The following FGL1 variants were observed in gnomAD, a reference collection of about 807,000 sequenced individuals.
The protein encoded by FGL1 is fibrinogen like 1.
A neutral mutation model predicts 43.7 loss-of-function variants in FGL1; 59 were observed. That is an observed-to-expected ratio of 1.35 (90% CI 1.10 to 1.68). FGL1 has a LOEUF of 1.68. Ranked by LOEUF, FGL1 falls within the 40% of genes most tolerant of loss-of-function variation. The pLI is 0.00. For missense variants in FGL1, 596 were observed against 373.0 expected (o/e 1.60, Z -4.92); for synonymous variants, 192 against 126.5 (o/e 1.52, Z -3.48).
At chr8:17,881,044 G>A (rs1284322357) in intron 3 of FGL1, among the ~76,000 whole-genome samples, 1 of 151,866 alleles carries the variant, frequency 6.6e-6, no homozygotes, top group Admixed American at 6.6e-5. Flanking sequence ...TAGGATTTCA[G>A]AAGGGAAAAC....
intron 1 of FGL1, chr8:17,891,228 T>G (rs1383740876): frequency 6.6e-6 from 1 of 152,154 alleles, no homozygotes; most frequent in Non-Finnish European, 1.5e-5. Flanking sequence ...CTGAGTGGCC[T>G]AAAACAACAG....
chr8:17,882,236 CT>C, intron 2 of FGL1, 57 bp from the exon 3 acceptor site: 1 of 1,455,836 alleles, frequency 6.9e-7, no homozygotes. Context: ...AAAACAAGTG[CT>C]TTTTAAACAT....
chr8:17,872,872 T>C (rs2053385568), intron 5 of FGL1, among the ~76,000 whole-genome samples: 1 of 152,196 alleles, frequency 6.6e-6, no homozygotes, highest in Non-Finnish European at 1.5e-5. Flanking sequence ...ATGTCTGCTA[T>C]TTACTTTGAA....
chr8:17,873,673 C>T lies in FGL1; in HGVS notation c.502+346G>A, dbSNP rs570805198. On this transcript the variant is annotated intron_variant, in intron 5 of 7. Coordinates refer to ENST00000427924, the MANE Select transcript of FGL1 (RefSeq NM_004467.4). ...TTCAGAAGTAGAATATATATATATTCTATATATATCTATAGATACATATAG... is the reference window on the plus strand; with the variant it reads ...TTCAGAAGTAGAATATATATATATTTTATATATATCTATAGATACATATAG... Among the ~76,000 whole-genome samples the T allele has an allele frequency of 6.4e-4, 87 of 136,842 alleles. 1 individual carries two copies. Among genetic ancestry groups the T allele is most frequent in the African/African-American group, 2.3e-3 (86 of 36,940 alleles). 89.8% of individuals were successfully genotyped at this position (136,842 alleles called of 152,430 possible).
chr8:17,873,242 C>T (rs1323228831), intron 5 of FGL1, among the ~76,000 whole-genome samples: 1 of 152,112 alleles, frequency 6.6e-6, no homozygotes, highest in Non-Finnish European at 1.5e-5. Context: ...GACTCCATGC[C>T]AATTCTGGGC....
rs528383559 is a variant in FGL1, at chr8:17,872,566, G to A, written c.502+1453C>T. On this transcript the variant is annotated intron_variant, in intron 5 of 7. Coordinates refer to ENST00000427924, the MANE Select transcript of FGL1 (RefSeq NM_004467.4). ...GGTCCACCCACCTCAGCATCCCAAA[G>A]TGCTGGGATTACAGGCATGAGCCAC... Among the ~76,000 whole-genome samples the A allele has an allele frequency of 2.0e-5, 3 of 152,238 alleles. No individual in the cohort carries two copies. The South Asian group carries it at 6.2e-4, about 32-fold the overall frequency.
At chr8:17,868,824 C>G in intron 6 of FGL1, 89 bp from the exon 7 acceptor site, 1 of 1,473,060 alleles carries the variant, frequency 6.8e-7, no homozygotes. Flanking sequence ...AGAACAGGTT[C>G]TATTGTATAT....
rs35562839 is a variant in FGL1, at chr8:17,869,553, A to G, written c.503-549T>C. On this transcript the variant is annotated intron_variant, in intron 5 of 7. Coordinates refer to ENST00000427924, the MANE Select transcript of FGL1 (RefSeq NM_004467.4). ...ACCCTTTAAGAATAATTTGAGGAAG[A>G]AATATGAATCCTAATTGTTATCCGA... Among the ~76,000 whole-genome samples, 460 of 152,336 alleles carry G rather than the reference A, an allele frequency of 3.0e-3. 3 individuals carry two copies. Among genetic ancestry groups the G allele is most frequent in the African/African-American group, 0.011 (446 of 41,578 alleles).
intron 1 of FGL1, among the ~76,000 whole-genome samples, chr8:17,890,742 G>T (rs546005492): frequency 6.6e-6 from 1 of 152,142 alleles, no homozygotes; most frequent in African/African-American, 2.4e-5. Context: ...ACTTACAGTC[G>T]TGGTGGAAGG....
chr8:17,874,767 A>C, intron 3 of FGL1: 1 of 308,342 alleles, frequency 3.2e-6, no homozygotes, highest in Non-Finnish European at 5.9e-6. Flanking sequence ...GTGAAATAAG[A>C]ATCTAGTTTT....
At chr8:17,891,727 A>C in intron 1 of FGL1, 1 of 984,808 alleles carries the variant, frequency 1.0e-6, no homozygotes, top group Non-Finnish European at 1.2e-6. Flanking sequence ...TTGTAATTTC[A>C]CAGTTGCTTA....
intron 1 of FGL1, among the ~76,000 whole-genome samples, chr8:17,891,078 T>C (rs1484808278): frequency 6.6e-6 from 1 of 152,214 alleles, no homozygotes; most frequent in Non-Finnish European, 1.5e-5. Context: ...GTGTTTATTG[T>C]CTACCTACTC....
chr8:17,879,195 T>C (rs1486253985), intron 3 of FGL1, among the ~76,000 whole-genome samples: 1 of 151,958 alleles, frequency 6.6e-6, no homozygotes, highest in Non-Finnish European at 1.5e-5. Flanking sequence ...ATATTTATAA[T>C]AATTATAATG....
In FGL1 at chr8:17,868,703, A is replaced by T; in HGVS notation, c.624T>A (p.Ser208=). 1 of 1,613,540 alleles carries T rather than the reference A, an allele frequency of 6.2e-7. No individual in the cohort carries two copies. Among genetic ancestry groups the T allele is most frequent in the Non-Finnish European group, 8.5e-7 (1 of 1,179,840 alleles). The part of the protein sequence containing the change: ...NFYELNIGEY[S]GTAGDSLAGN... Reference sequence around the variant, plus strand: ...CCGCAAGGGAATCTCCAGCTGTTCCAGAATATTCCCCAATATTCAACTCGT... The same window carrying T: ...CCGCAAGGGAATCTCCAGCTGTTCCTGAATATTCCCCAATATTCAACTCGT... The change falls in exon 7 of 8, where the codon TCT becomes TCA. Residue 208 remains serine, a synonymous_variant. Coordinates refer to ENST00000427924, the MANE Select transcript of FGL1 (RefSeq NM_004467.4).
chr8:17,887,357 A>T (rs1002193653), intron 1 of FGL1, among the ~76,000 whole-genome samples: 1 of 152,206 alleles, frequency 6.6e-6, no homozygotes, highest in Non-Finnish European at 1.5e-5. Context: ...GAGGTATAAA[A>T]GGTATAGGCA....
rs771078136 is a variant in FGL1 at position 17,864,715 on chromosome 8, G to A, written c.816C>T (p.Ser272=). 12 of 1,610,498 alleles carry A rather than the reference G, an allele frequency of 7.5e-6. No individual in the cohort carries two copies. Among genetic ancestry groups the A allele is most frequent in the South Asian group, 4.4e-5 (4 of 90,408 alleles). Residue 272 remains serine, a synonymous_variant, in exon 8 of 8, where the codon AGC becomes AGT. Transcript: ENST00000427924. ...TGTCTGTTTTAGCCGTGTAGGGGCC[G>A]CTGTAGTATACACCATTCAGGTTTG... The part of the protein sequence containing the change: ...HSANLNGVYY[S]GPYTAKTDNG...
intron 3 of FGL1, among the ~76,000 whole-genome samples, 161 bp downstream of exon 3, chr8:17,881,838 A>G (rs1185804889): frequency 5.3e-5 from 8 of 151,690 alleles, no homozygotes; most frequent in Non-Finnish European, 1.0e-4. Context: ...CGCCTCAAAA[A>G]AAAAAAAAAA....
In FGL1 at chr8:17,871,034, CTG is replaced by C. The variant is rs779581119; in HGVS notation, c.503-2032_503-2031del. On this transcript the variant is annotated intron_variant, in intron 5 of 7. Transcript: ENST00000427924. ...GCAGGGAATGCTGGATTCCTCAAGA[CTG>C]GAGTCCCTTTAAGAGGTGATGCGGG... is the stretch of plus-strand genomic sequence containing the variant. Among the ~76,000 whole-genome samples, 15 of 152,170 alleles carry C rather than the reference CTG, an allele frequency of 9.9e-5. No individual in the cohort carries two copies. In the South Asian group the frequency reaches 1.5e-3, roughly 15 times the overall value.
intron 3 of FGL1, among the ~76,000 whole-genome samples, chr8:17,879,476 A>T (rs1393075718): frequency 1.3e-5 from 2 of 152,102 alleles, no homozygotes; most frequent in East Asian, 3.9e-4. Context: ...CGATTGGCTC[A>T]TGGGGGTGGA....
Sources: gnomAD v4.1 joint callset for allele counts (sites outside exome capture counted in the v4.1 genomes callset) on GRCh38, gnomAD v4.1.1 for gene constraint, MANE v1.5 for transcripts, NCBI Gene and HGNC (gene_info 2026-07-23, HGNC 2026-07-21) for gene names.